GNG7: variants seen among roughly 807,000 people sequenced by gnomAD.
GNG7 encodes G protein subunit gamma 7.
GNG7 carries 1 observed loss-of-function variant against 4.0 expected under a neutral mutation model. The ratio of observed to expected loss-of-function variants is 0.25; its 90% CI spans 0.09 to 1.18. GNG7 has a LOEUF of 1.18. Among genes scored for constraint, GNG7 ranks in the 50% most tolerant of loss-of-function variants. GNG7 has a pLI of 0.50. For missense variants in GNG7, 86 were observed against 91.9 expected (o/e 0.94, Z 0.26); for synonymous variants, 34 against 36.9 (o/e 0.92, Z 0.29).
rs139425010 is a variant in GNG7, at chr19:2,681,534, G to A, written c.-135+21112C>T. On this transcript the variant is annotated intron_variant, in intron 1 of 4. Transcript: ENST00000382159. ...TCCTCCCACCTCGGCCTCCCAAAGC[G>A]CTGGGATCACTAGCATTAGCCACAT... 4.6e-5 allele frequency among the ~76,000 whole-genome samples: 7 copies of A among 152,244 alleles called. No individual in the cohort carries two copies. In the East Asian group the frequency reaches 9.6e-4, roughly 21 times the overall value.
In GNG7 at chr19:2,546,396, C is replaced by T. The variant is rs1369319672; in HGVS notation, c.-38+8753G>A. On this transcript the variant is annotated intron_variant, in intron 3 of 4. Transcript: ENST00000382159. This position sits in a 1 kb window ranked among gnomAD's most constrained non-coding sequence, Gnocchi z 6.3. ...CCGTGCCAGCTCTGACCGTTGGTGGCTCTGTGACCTCAAGGCAGGGCCGTG... is the reference window on the plus strand; with the variant it reads ...CCGTGCCAGCTCTGACCGTTGGTGGTTCTGTGACCTCAAGGCAGGGCCGTG... Among the ~76,000 whole-genome samples, 2 of 152,228 alleles carry T rather than the reference C, an allele frequency of 1.3e-5. No homozygotes were observed. Among genetic ancestry groups the T allele is most frequent in the Non-Finnish European group, 2.9e-5 (2 of 68,044 alleles).
At chr19:2,576,731 T>TA (rs964073370) in intron 2 of GNG7, among the ~76,000 whole-genome samples, 21 of 151,918 alleles carry the variant, frequency 1.4e-4, no homozygotes, top group African/African-American at 4.6e-4. Flanking sequence ...AACTTTTTTT[T>TA]ACAGATGGGG....
intron 1 of GNG7, among the ~76,000 whole-genome samples, chr19:2,656,575 G>A (rs1286153412): frequency 6.6e-6 from 1 of 152,194 alleles, no homozygotes; most frequent in East Asian, 1.9e-4. Context: ...ACTCCAGCCT[G>A]AGTGACAGAG....
intron 3 of GNG7, among the ~76,000 whole-genome samples, chr19:2,527,971 T>A (rs1312645357): frequency 6.6e-6 from 1 of 151,866 alleles, no homozygotes; most frequent in Non-Finnish European, 1.5e-5. Flanking sequence ...AAATAAATGG[T>A]ACTGAATGAA....
intron 1 of GNG7, among the ~76,000 whole-genome samples, chr19:2,657,399 T>TATATATACACAC (rs1332253018): frequency 3.6e-4 from 29 of 80,708 alleles, no homozygotes; most frequent in Non-Finnish European, 5.6e-4. Context: ...TATATATATA[T>TATATATACACAC]ACACATAATA....
chr19:2,582,656 A>ATTTTTTTTTTTT (rs35625825), intron 2 of GNG7, among the ~76,000 whole-genome samples: 2 of 86,146 alleles, frequency 2.3e-5, no homozygotes, highest in African/African-American at 8.8e-5. Context: ...CTAATTGTTA[A>ATTTTTTTTTTTT]TTTTTTTTTT....
intron 1 of GNG7, among the ~76,000 whole-genome samples, chr19:2,692,140 G>A (rs929393722): frequency 6.6e-6 from 1 of 152,146 alleles, no homozygotes; most frequent in Non-Finnish European, 1.5e-5. Flanking sequence ...TCATGACGGC[G>A]GCAGCCCCAG....
At chr19:2,613,342 C>T (rs1258516858) in intron 2 of GNG7, among the ~76,000 whole-genome samples, 1 of 152,146 alleles carries the variant, frequency 6.6e-6, no homozygotes, top group Non-Finnish European at 1.5e-5. Flanking sequence ...CAAGCCACTG[C>T]CTCATTGGAA....
rs184515652 is a variant in GNG7, at chr19:2,649,280, C to G, written c.-134-3000G>C. On this transcript the variant is annotated intron_variant, in intron 1 of 4. Transcript: ENST00000382159. ...ATGAATTTGAAGTGGTCTGGTGCGC[C>G]CTTCAACTCACTACCCTGCCAGCGA... 5.0e-3 allele frequency among the ~76,000 whole-genome samples: 758 copies of G among 151,914 alleles called. 7 individuals carry two copies. The highest frequency in any genetic ancestry group is 0.017 in the African/African-American group (706 of 41,394).
In GNG7 at chr19:2,546,866, G is replaced by A. The variant is rs1380182722; in HGVS notation, c.-38+8283C>T. Among the ~76,000 whole-genome samples, 1 of 152,204 alleles carries A rather than the reference G, an allele frequency of 6.6e-6. No homozygotes were observed. Among genetic ancestry groups the A allele is most frequent in the Non-Finnish European group, 1.5e-5 (1 of 68,022 alleles). ...AAGCCCGGGAACCGGGGCCGGGCCA[G>A]GACACTGAACCCCGTGGCTCCTGTC... is the stretch of plus-strand genomic sequence containing the variant. On this transcript the variant is annotated intron_variant, in intron 3 of 4. Transcript: ENST00000382159. The surrounding 1 kb of genome is among the most constrained non-coding windows in gnomAD (Gnocchi z 6.3).
At chr19:2,612,277 C>G (rs28525560) in intron 2 of GNG7, among the ~76,000 whole-genome samples, 20,929 of 152,116 alleles carry the variant, frequency 0.14, 2,328 homozygotes, top group African/African-American at 0.31. Flanking sequence ...GCAGGGTGCT[C>G]AGCAGCATCT....
At chr19:2,563,020 C>G (rs967345186) in intron 2 of GNG7, among the ~76,000 whole-genome samples, 3 of 152,120 alleles carry the variant, frequency 2.0e-5, no homozygotes, top group Non-Finnish European at 4.4e-5. Flanking sequence ...TCTCGGCTCA[C>G]TGCAAGCTCC....
chr19:2,697,215 T>C (rs565457829), intron 1 of GNG7, among the ~76,000 whole-genome samples: 8 of 152,352 alleles, frequency 5.3e-5, no homozygotes, highest in African/African-American at 1.7e-4. Flanking sequence ...TGTTATGAAG[T>C]GTAAATTATA....
intron 2 of GNG7, among the ~76,000 whole-genome samples, chr19:2,641,419 A>G (rs143377053): frequency 1.7e-3 from 266 of 152,252 alleles, no homozygotes; most frequent in Admixed American, 3.1e-3. Flanking sequence ...GGGGGCCCCA[A>G]TGTCCTCATA....
At chr19:2,607,011 A>G (rs1031619439) in intron 2 of GNG7, among the ~76,000 whole-genome samples, 1 of 151,894 alleles carries the variant, frequency 6.6e-6, no homozygotes, top group African/African-American at 2.4e-5. Context: ...ATTTGAGCCC[A>G]GGATTTTGAG....
At chr19:2,687,845 C>T (rs1983911134) in intron 1 of GNG7, among the ~76,000 whole-genome samples, 2 of 150,380 alleles carry the variant, frequency 1.3e-5, no homozygotes, top group Middle Eastern at 3.6e-3. Context: ...CAAGGTGGCA[C>T]GCACCTGTAA....
chr19:2,568,176 TACAC>T (rs1371794062), intron 2 of GNG7, among the ~76,000 whole-genome samples: 2 of 141,366 alleles, frequency 1.4e-5, no homozygotes, highest in African/African-American at 5.4e-5. Context: ...TACACACACA[TACAC>T]ACATGCACAT....
Position 2,671,568 on chromosome 19 carries a change from G to A in GNG7, c.-134-25288C>T, listed in dbSNP as rs367891192. Among the ~76,000 whole-genome samples, 9 of 151,984 alleles carry A rather than the reference G, an allele frequency of 5.9e-5. No individual in the cohort carries two copies. The East Asian group carries it at 1.4e-3, about 23-fold the overall frequency. On this transcript the variant is annotated intron_variant, in intron 1 of 4. Coordinates refer to ENST00000382159, the MANE Select transcript of GNG7 (RefSeq NM_052847.3). ...GGCTGAGCTCCGAGGCCATGTCCAGGGGTCATGAATTTGAGGTCAGCCCTG... is the reference window on the plus strand; with the variant it reads ...GGCTGAGCTCCGAGGCCATGTCCAGAGGTCATGAATTTGAGGTCAGCCCTG...
chr19:2,643,250 T>C (rs1326513203), intron 2 of GNG7: 1 of 428,890 alleles, frequency 2.3e-6, no homozygotes, highest in African/African-American at 2.1e-5. Context: ...TCTGAGCCTC[T>C]CCGGGCTCTG....
Sources: gnomAD v4.1 joint callset for allele counts (sites outside exome capture counted in the v4.1 genomes callset) on GRCh38, gnomAD v4.1.1 for gene constraint, Gnocchi (gnomAD v3.1) non-coding constraint, MANE v1.5 for transcripts, NCBI Gene and HGNC (gene_info 2026-07-23, HGNC 2026-07-21) for gene names.